The following RANBP17 variants were observed in gnomAD, a reference collection of about 807,000 sequenced individuals.
RANBP17 encodes the protein RAN binding protein 17, also known as ran-binding protein 17.
A neutral mutation model predicts 141.2 loss-of-function variants in RANBP17; 158 were observed. That is an observed-to-expected ratio of 1.12 (90% confidence interval 0.98 to 1.28). The LOEUF is 1.28. Among genes scored for constraint, RANBP17 ranks in the 50% most tolerant of loss-of-function variants. The probability of loss-of-function intolerance (pLI) is 0.00; values close to 1 mark genes in which losing one functional copy is unlikely to be tolerated. For missense variants in RANBP17, 1,438 were observed against 1,290.7 expected (o/e 1.11, Z -1.75); for synonymous variants, 430 against 450.0 (o/e 0.96, Z 0.56).
intron 12 of RANBP17, among the ~76,000 whole-genome samples, chr5:170,939,057 C>T (rs1342281561): frequency 6.6e-6 from 1 of 152,142 alleles, no homozygotes; most frequent in Non-Finnish European, 1.5e-5. Context: ...GTAGTGTAAA[C>T]TGGACTGATA....
intron 14 of RANBP17, among the ~76,000 whole-genome samples, chr5:171,130,486 G>C (rs527586437): frequency 1.5e-5 from 2 of 129,882 alleles, no homozygotes; most frequent in East Asian, 4.8e-4. Context: ...GCTCAGGCTG[G>C]AGTGCAATGG....
At chr5:171,080,070 G>T (rs977484103) in intron 14 of RANBP17, among the ~76,000 whole-genome samples, 1 of 152,078 alleles carries the variant, frequency 6.6e-6, no homozygotes, top group Admixed American at 6.6e-5. Context: ...ATCCACTCAT[G>T]CCTGGAAGAA....
intron 24 of RANBP17, among the ~76,000 whole-genome samples, chr5:171,247,547 A>G (rs1018218486): frequency 1.3e-5 from 2 of 152,230 alleles, no homozygotes; most frequent in Non-Finnish European, 2.9e-5. Flanking sequence ...GACTTGCCGA[A>G]TATTCCAAAA....
chr5:171,293,189 T>G (rs573251488), intron 25 of RANBP17, among the ~76,000 whole-genome samples: 3 of 152,328 alleles, frequency 2.0e-5, no homozygotes, highest in African/African-American at 7.2e-5. Flanking sequence ...CCAGCCCTAT[T>G]TCCTGTTATT....
intron 13 of RANBP17, among the ~76,000 whole-genome samples, chr5:170,956,646 C>T (rs1775720837): frequency 6.6e-6 from 1 of 151,902 alleles, no homozygotes; most frequent in Admixed American, 6.6e-5. Flanking sequence ...GATGGGGTTT[C>T]TCCATGTTGG....
intron 18 of RANBP17, among the ~76,000 whole-genome samples, chr5:171,190,623 G>A (rs1023597251): frequency 8.6e-5 from 13 of 152,046 alleles, no homozygotes; most frequent in Non-Finnish European, 1.6e-4. Flanking sequence ...TAACTTGGTC[G>A]ATCTAATAAA....
rs369962242 is a variant in RANBP17 at position 170,925,626 on chromosome 5, G to C, written c.1468+1076G>C. 8.7e-4 allele frequency among the ~76,000 whole-genome samples: 132 copies of C among 152,158 alleles called. 2 individuals are homozygous for C. The South Asian group carries it at 0.027, about 31-fold the overall frequency. Reference sequence around the variant, plus strand: ...TTGCCAATACCTTTGCAGCATCTTTGTTCCTCTTTCCAAATCTGTCCTCTT... The same window carrying C: ...TTGCCAATACCTTTGCAGCATCTTTCTTCCTCTTTCCAAATCTGTCCTCTT... On this transcript the variant is annotated intron_variant, in intron 12 of 27. Transcript: ENST00000523189.
chr5:171,251,724 C>T (rs1413429869), intron 24 of RANBP17: 3 of 685,922 alleles, frequency 4.4e-6, no homozygotes, highest in African/African-American at 3.6e-5. Flanking sequence ...GGTCCACCCG[C>T]GGGCTGCGGT....
At position 171,071,105 on chromosome 5, in the gene RANBP17, A is replaced by G. The variant is rs548770091; in HGVS notation, c.1711-99025A>G. 6.6e-5 allele frequency among the ~76,000 whole-genome samples: 10 copies of G among 152,216 alleles called. No homozygotes were observed. In the South Asian group the frequency reaches 2.1e-3, roughly 32 times the overall value. ...TTTGCCTTCCAAAAAGATTGAACCA[A>G]TTTGTACCTAACCAGCAAAACATAC... On this transcript the variant is annotated intron_variant, in intron 14 of 27. Transcript: ENST00000523189.
chr5:171,058,291 C>T (rs1783548425), intron 14 of RANBP17, among the ~76,000 whole-genome samples: 1 of 145,670 alleles, frequency 6.9e-6, no homozygotes, highest in Non-Finnish European at 1.5e-5. Context: ...AGGTATATCT[C>T]CTAATGCTAT....
intron 18 of RANBP17, among the ~76,000 whole-genome samples, chr5:171,188,258 A>G (rs1761400563): frequency 6.6e-6 from 1 of 152,208 alleles, no homozygotes; most frequent in African/African-American, 2.4e-5. Context: ...GGCATGCAAA[A>G]CCCAATCATC....
At chr5:171,128,821 A>AC (rs11453608) in intron 14 of RANBP17, among the ~76,000 whole-genome samples, 87,427 of 150,924 alleles carry the variant, frequency 0.58, 27,147 homozygotes, top group South Asian at 0.86. Context: ...AATAGTCAAG[A>AC]CCCCCCCCAA....
rs912447266 is a variant in RANBP17 at position 170,926,071 on chromosome 5, A to T, written c.1468+1521A>T. Among the ~76,000 whole-genome samples the T allele has an allele frequency of 2.0e-5, 3 of 152,204 alleles. No homozygotes were observed. The South Asian group carries it at 6.2e-4, about 31-fold the overall frequency. On this transcript the variant is annotated intron_variant, in intron 12 of 27. Coordinates refer to ENST00000523189, the MANE Select transcript of RANBP17 (RefSeq NM_022897.5). Reference sequence around the variant, plus strand: ...AACTATTTTACAAAGTGTTTGTACTATTTGACATCCTACCAATAGTGTTCA... The same window carrying T: ...AACTATTTTACAAAGTGTTTGTACTTTTTGACATCCTACCAATAGTGTTCA...
chr5:171,289,745 A>G (rs1468370768), intron 25 of RANBP17, among the ~76,000 whole-genome samples: 1 of 151,972 alleles, frequency 6.6e-6, no homozygotes, highest in African/African-American at 2.4e-5. Flanking sequence ...CTAAAAATGA[A>G]CAGGCTAGGT....
rs1340753356 is a variant in RANBP17 at position 170,955,586 on chromosome 5, A to G, written c.1574+1884A>G. Reference sequence around the variant, plus strand: ...ATATATATGCTCAGTCTGTGTGTATATATATATATATATATATATATATGC... The same window carrying G: ...ATATATATGCTCAGTCTGTGTGTATGTATATATATATATATATATATATGC... On this transcript the variant is annotated intron_variant, in intron 13 of 27. Coordinates refer to ENST00000523189, the MANE Select transcript of RANBP17 (RefSeq NM_022897.5). Among the ~76,000 whole-genome samples the G allele has an allele frequency of 7.8e-3, 351 of 44,860 alleles. 51 individuals are homozygous for G. The highest frequency in any genetic ancestry group is 0.028 in the African/African-American group (304 of 10,846). 29.4% of individuals were successfully genotyped at this position (44,860 alleles called of 152,430 possible).
intron 14 of RANBP17, among the ~76,000 whole-genome samples, chr5:170,997,877 C>T (rs1280006515): frequency 6.6e-6 from 1 of 152,006 alleles, no homozygotes; most frequent in Non-Finnish European, 1.5e-5. Context: ...GTTCTCATGA[C>T]ACAGAGAATT....
chr5:171,032,865 G>A (rs900644357), intron 14 of RANBP17, among the ~76,000 whole-genome samples: 6 of 151,956 alleles, frequency 3.9e-5, no homozygotes, highest in Non-Finnish European at 8.8e-5. Context: ...CAGTAATGAG[G>A]GATTATTGTA....
intron 14 of RANBP17, among the ~76,000 whole-genome samples, chr5:171,077,350 A>AG (rs370167099): frequency 1.3e-5 from 2 of 152,152 alleles, no homozygotes; most frequent in Non-Finnish European, 2.9e-5. Context: ...AAAAAAAAAA[A>AG]GAAGTGTACA....
chr5:171,216,202 A>G (rs1763208767), intron 21 of RANBP17, among the ~76,000 whole-genome samples: 1 of 152,178 alleles, frequency 6.6e-6, no homozygotes, highest in African/African-American at 2.4e-5. Flanking sequence ...GTCAAAGATC[A>G]GATGGTTGTA....
Sources: gnomAD v4.1 joint callset for allele counts (sites outside exome capture counted in the v4.1 genomes callset) on GRCh38, gnomAD v4.1.1 for gene constraint, MANE v1.5 for transcripts, NCBI Gene and HGNC (gene_info 2026-07-23, HGNC 2026-07-21) for gene names.